Variants in ACOT7 observed in about 807,000 individuals in gnomAD.
ACOT7 encodes cytosolic acyl coenzyme A thioester hydrolase.
A neutral mutation model predicts 40.2 loss-of-function variants in ACOT7; 12 were observed. The observed-to-expected ratio is 0.30, with a 90% CI of 0.19 to 0.48. ACOT7 has a LOEUF of 0.48. Ranked by LOEUF, ACOT7 falls within the 20% of genes least tolerant of loss-of-function variation. The pLI, the probability that ACOT7 is intolerant of heterozygous loss-of-function variation, is 0.99. For missense variants in ACOT7, 395 were observed against 530.8 expected (o/e 0.74, Z 2.51); for synonymous variants, 228 against 219.5 (o/e 1.04, Z -0.34).
rs547968769 is a variant in ACOT7, at chr1:6,378,696, G to A, written c.143+14561C>T. Among the ~76,000 whole-genome samples, 8 of 151,996 alleles carry A rather than the reference G, an allele frequency of 5.3e-5. 1 individual carries two copies. In the South Asian group the frequency reaches 1.2e-3, roughly 24 times the overall value. On this transcript the variant is annotated intron_variant, in intron 1 of 8. Coordinates refer to ENST00000361521, the MANE Select transcript of ACOT7 (RefSeq NM_007274.4). The stretch of plus-strand genomic sequence containing the variant: ...CTACCCCCAGGGAGGCCCAGACAGC[G>A]AGAGCCTATCATGTGCCATGGGACA...
rs1641637229 is a variant in ACOT7 at position 6,352,967 on chromosome 1, C to G, written c.144-3101G>C. ...GATCTTGGCTCACTGCAAACTCCGT[C>G]TCCTGGGTTCAAGCGATTCCCCTGC... On this transcript the variant is annotated intron_variant, in intron 1 of 8. Transcript: ENST00000361521. This position sits in a 1 kb window ranked among gnomAD's most constrained non-coding sequence, Gnocchi z 4.5. Among the ~76,000 whole-genome samples, 1 of 152,090 alleles carries G rather than the reference C, an allele frequency of 6.6e-6. No homozygotes were observed. Among genetic ancestry groups the G allele is most frequent in the South Asian group, 2.1e-4 (1 of 4,822 alleles).
rs1557642591 is a variant in ACOT7 at position 6,306,567 on chromosome 1, C to T, written c.713-11587G>A. The T allele has an allele frequency of 3.0e-6, 3 of 985,338 alleles. No homozygotes were observed. Among genetic ancestry groups the T allele is most frequent in the Non-Finnish European group, 3.6e-6 (3 of 829,916 alleles). The allele number at this position is 985,338 out of a possible 1,614,324, so 61.0% of individuals were successfully genotyped here. ...CTTCAGAACAGAAGAACCTGGAGAA[C>T]GATGTTTTCAAACACCAAGATCCTA... On this transcript the variant is annotated intron_variant, in intron 6 of 8. Transcript: ENST00000361521. The surrounding 1 kb of genome is among the most constrained non-coding windows in gnomAD (Gnocchi z 4.3).
intron 7 of ACOT7, among the ~76,000 whole-genome samples, chr1:6,291,857 G>T (rs539107778): frequency 1.1e-4 from 16 of 152,328 alleles, no homozygotes; most frequent in African/African-American, 3.8e-4. Flanking sequence ...CCCAGAGCCA[G>T]CAGGGGCCGT....
intron 5 of ACOT7, among the ~76,000 whole-genome samples, chr1:6,321,144 T>A (rs1359238448): frequency 6.6e-6 from 1 of 152,226 alleles, no homozygotes; most frequent in African/African-American, 2.4e-5. Context: ...TTGCTCAGCC[T>A]CCTGGAAGGT....
intron 7 of ACOT7, among the ~76,000 whole-genome samples, chr1:6,290,287 T>C (rs1307152235): frequency 1.3e-5 from 2 of 152,244 alleles, no homozygotes; most frequent in Non-Finnish European, 2.9e-5. Context: ...TTTAAGCTAC[T>C]GTGTATGGAA....
At chr1:6,356,102 G>A (rs1269211394) in intron 1 of ACOT7, among the ~76,000 whole-genome samples, 5 of 152,294 alleles carry the variant, frequency 3.3e-5, no homozygotes, top group East Asian at 3.9e-4. Flanking sequence ...AGATGAGGTC[G>A]CCGTGCCTTA....
intron 1 of ACOT7, among the ~76,000 whole-genome samples, chr1:6,388,472 C>T (rs1642477281): frequency 6.6e-6 from 1 of 151,418 alleles, no homozygotes; most frequent in Admixed American, 6.6e-5. Flanking sequence ...GGTGCAGTGG[C>T]TCACACCTGT....
intron 1 of ACOT7, among the ~76,000 whole-genome samples, chr1:6,383,224 G>A (rs2148481393): frequency 7.4e-6 from 1 of 134,488 alleles, no homozygotes; most frequent in Admixed American, 7.8e-5. Context: ...GTCTTGCTCT[G>A]TTGCCCAGGC....
intron 1 of ACOT7, among the ~76,000 whole-genome samples, chr1:6,371,053 CTT>C (rs2148473553): frequency 6.6e-6 from 1 of 152,204 alleles, no homozygotes; most frequent in East Asian, 1.9e-4. Context: ...TCGTGATCCA[CTT>C]GCCTCAGCCT....
At chr1:6,314,152 A>T (rs1640418876) in intron 6 of ACOT7, among the ~76,000 whole-genome samples, 1 of 152,176 alleles carries the variant, frequency 6.6e-6, no homozygotes, top group African/African-American at 2.4e-5. Flanking sequence ...GCACAGAACA[A>T]CCATTGGCTT....
rs140766207 is a variant in ACOT7 at position 6,288,773 on chromosome 1, G to A, written c.829+6091C>T. 1.7e-4 allele frequency among the ~76,000 whole-genome samples: 26 copies of A among 152,304 alleles called. No homozygotes were observed. The highest frequency in any genetic ancestry group is 6.0e-4 in the African/African-American group (25 of 41,548). On this transcript the variant is annotated intron_variant, in intron 7 of 8. Transcript: ENST00000361521. The surrounding 1 kb of genome is among the most constrained non-coding windows in gnomAD (Gnocchi z 4.3). ...CGCGGGTGAGGCCTCTCCCAGCCAC[G>A]ACAAGTGCCCCAAGTTCGTAAGTTC...
chr1:6,345,250 A>G (rs1316304321), intron 2 of ACOT7, among the ~76,000 whole-genome samples: 1 of 152,206 alleles, frequency 6.6e-6, no homozygotes, highest in Non-Finnish European at 1.5e-5. Flanking sequence ...CACGCTCTCA[A>G]AAGCAACTGG....
intron 1 of ACOT7, among the ~76,000 whole-genome samples, chr1:6,382,409 C>CA (rs989132913): frequency 2.0e-5 from 3 of 151,428 alleles, no homozygotes; most frequent in African/African-American, 7.3e-5. Flanking sequence ...GTCTCAAAAA[C>CA]AAAAAACAAA....
chr1:6,321,842 C>G (rs1315674049), intron 5 of ACOT7, among the ~76,000 whole-genome samples: 1 of 152,216 alleles, frequency 6.6e-6, no homozygotes, highest in East Asian at 1.9e-4. Flanking sequence ...AGTCTCCTTC[C>G]GTTCCCAGGT....
At chr1:6,280,383 C>T (rs1020347303) in intron 8 of ACOT7, among the ~76,000 whole-genome samples, 2 of 152,224 alleles carry the variant, frequency 1.3e-5, no homozygotes, top group African/African-American at 2.4e-5. Context: ...CTCTTTGGGC[C>T]GCGCGAACCC....
At chr1:6,339,237 C>G (rs1454858676) in intron 3 of ACOT7, among the ~76,000 whole-genome samples, 196 bp downstream of exon 3, 1 of 152,228 alleles carries the variant, frequency 6.6e-6, no homozygotes, top group East Asian at 1.9e-4. Flanking sequence ...CGTTTCCTAA[C>G]CCCTCTGTGC....
At chr1:6,292,416 C>A (rs946367329) in intron 7 of ACOT7, among the ~76,000 whole-genome samples, 1 of 152,232 alleles carries the variant, frequency 6.6e-6, no homozygotes, top group Non-Finnish European at 1.5e-5. Flanking sequence ...GAAATTGTGG[C>A]TTCTGAAAAT....
In ACOT7 at chr1:6,278,752, C is replaced by G. The variant is rs1012774040; in HGVS notation, c.1014+2350G>C. Among the ~76,000 whole-genome samples the G allele has an allele frequency of 6.6e-6, 1 of 152,160 alleles. No individual in the cohort carries two copies. Among genetic ancestry groups the G allele is most frequent in the Non-Finnish European group, 1.5e-5 (1 of 68,032 alleles). On this transcript the variant is annotated intron_variant, in intron 8 of 8. Transcript: ENST00000361521. This position sits in a 1 kb window ranked among gnomAD's most constrained non-coding sequence, Gnocchi z 4.1. ...ATGTCAAAGCCAAGGGTTCGGGGAC[C>G]GTGTGGTGGCCGGGGAGGCTGGAGT...
chr1:6,309,308 T>C (rs1453599069), intron 6 of ACOT7, among the ~76,000 whole-genome samples: 1 of 152,068 alleles, frequency 6.6e-6, no homozygotes, highest in Non-Finnish European at 1.5e-5. Flanking sequence ...TCTGTGTTGG[T>C]AAAGACTTGG....
Sources: allele counts gnomAD v4.1 joint callset (sites outside exome capture counted in the v4.1 genomes callset), GRCh38; gene constraint gnomAD v4.1.1; non-coding constraint Gnocchi (gnomAD v3.1); transcripts MANE v1.5; gene names NCBI Gene and HGNC (gene_info 2026-07-23, HGNC 2026-07-21).